KCNH7: variants seen among roughly 807,000 people sequenced by gnomAD.
KCNH7 encodes potassium voltage-gated channel subfamily H member 7.
KCNH7 carries 49 observed loss-of-function variants against 120.8 expected under a neutral mutation model. The ratio of observed to expected loss-of-function variants is 0.41; its 90% CI spans 0.32 to 0.51. The LOEUF is 0.51. KCNH7 is among the 20% of genes least tolerant of loss of function. The pLI is 0.38. For synonymous variants in KCNH7, 547 were observed against 516.1 expected (o/e 1.06, Z -0.81); for missense variants, 1,097 against 1,446.6 (o/e 0.76, Z 3.92).
intron 2 of KCNH7, among the ~76,000 whole-genome samples, chr2:162,721,890 G>T (rs780034221): frequency 1.6e-4 from 25 of 151,988 alleles, no homozygotes; most frequent in Non-Finnish European, 2.4e-4. Flanking sequence ...ATAACTTTAA[G>T]TCCTACAAAG....
At chr2:162,506,049 T>C (rs992465747) in intron 5 of KCNH7, among the ~76,000 whole-genome samples, 1 of 151,922 alleles carries the variant, frequency 6.6e-6, no homozygotes, top group African/African-American at 2.4e-5. Flanking sequence ...GTAATCTTAA[T>C]AAATTTTCAT....
At chr2:162,405,387 CATA>C (rs931367539) in intron 9 of KCNH7, among the ~76,000 whole-genome samples, 3 of 151,814 alleles carry the variant, frequency 2.0e-5, no homozygotes, top group African/African-American at 7.3e-5. Context: ...AACAACAAAA[CATA>C]ATAACATTAT....
intron 2 of KCNH7, among the ~76,000 whole-genome samples, chr2:162,626,707 G>A (rs1410393133): frequency 6.6e-6 from 1 of 152,034 alleles, no homozygotes; most frequent in African/African-American, 2.4e-5. Context: ...TATTCATTAT[G>A]GGAGAATTAT....
chr2:162,434,189 T>A (rs1279080879), intron 8 of KCNH7, among the ~76,000 whole-genome samples: 1 of 152,004 alleles, frequency 6.6e-6, no homozygotes, highest in Non-Finnish European at 1.5e-5. Context: ...TACGTACGCA[T>A]GGACATAAAG....
At chr2:162,565,024 ATTTGT>A (rs1265110242) in intron 2 of KCNH7, among the ~76,000 whole-genome samples, 4 of 152,056 alleles carry the variant, frequency 2.6e-5, no homozygotes. Context: ...CTCCAAAGTA[ATTTGT>A]TTTTATGTTT....
At chr2:162,784,152 C>T (rs371618269) in intron 2 of KCNH7, among the ~76,000 whole-genome samples, 1 of 151,934 alleles carries the variant, frequency 6.6e-6, no homozygotes, top group African/African-American at 2.4e-5. Flanking sequence ...CAGTGGAAGT[C>T]TTCAGCAAAC....
At chr2:162,499,756 T>C (rs759331835) in intron 6 of KCNH7, among the ~76,000 whole-genome samples, 3 of 152,254 alleles carry the variant, frequency 2.0e-5, no homozygotes, top group Admixed American at 6.5e-5. Context: ...CTATGTGTCA[T>C]ATAATCATAC....
intron 2 of KCNH7, among the ~76,000 whole-genome samples, chr2:162,708,658 A>G (rs541835234): frequency 6.6e-6 from 1 of 152,228 alleles, no homozygotes; most frequent in South Asian, 2.1e-4. Flanking sequence ...TCATTGTTCA[A>G]TAGAGTGCCA....
chr2:162,597,022 A>C (rs1242558875), intron 2 of KCNH7, among the ~76,000 whole-genome samples: 1 of 152,150 alleles, frequency 6.6e-6, no homozygotes, highest in Non-Finnish European at 1.5e-5. Flanking sequence ...ACTTTTTGAA[A>C]TGGTTATTTA....
intron 9 of KCNH7, among the ~76,000 whole-genome samples, chr2:162,410,040 A>G (rs757450425): frequency 1.6e-4 from 24 of 152,088 alleles, no homozygotes; most frequent in Non-Finnish European, 2.9e-4. Context: ...CATTCCTGTC[A>G]ATGTACCAAA....
At chr2:162,607,264 C>T (rs980640686) in intron 2 of KCNH7, among the ~76,000 whole-genome samples, 6 of 150,932 alleles carry the variant, frequency 4.0e-5, no homozygotes, top group African/African-American at 9.7e-5. Flanking sequence ...GTGCTGCGCA[C>T]CTGTAGTCTT....
chr2:162,603,073 G>A (rs1423486249), intron 2 of KCNH7, among the ~76,000 whole-genome samples: 2 of 151,870 alleles, frequency 1.3e-5, no homozygotes, highest in Non-Finnish European at 2.9e-5. Context: ...GAACCAAACA[G>A]GTGAAGATTA....
chr2:162,813,006 A>ATCC (rs1480117579), intron 2 of KCNH7, among the ~76,000 whole-genome samples: 1 of 152,044 alleles, frequency 6.6e-6, no homozygotes, highest in Non-Finnish European at 1.5e-5. Flanking sequence ...GTTGTTAAGA[A>ATCC]TTTTTACATG....
rs1379969059 is a variant in KCNH7 at position 162,570,033 on chromosome 2, A to T, written c.308-32953T>A. On this transcript the variant is annotated intron_variant, in intron 2 of 15. Coordinates refer to ENST00000332142, the MANE Select transcript of KCNH7 (RefSeq NM_033272.4). ...TGATTTGGGGTGGAGAGTTCTGTAG[A>T]TGTCTATTAGGTCTGCTTGGTGCAG... is the stretch of plus-strand genomic sequence containing the variant. Among the ~76,000 whole-genome samples the T allele has an allele frequency of 7.9e-5, 11 of 140,024 alleles. 1 individual carries two copies. In the South Asian group the frequency reaches 2.5e-3, roughly 31 times the overall value. 91.9% of individuals were successfully genotyped at this position (140,024 alleles called of 152,430 possible). A position where few individuals can be genotyped will look rare whatever the true frequency, so the allele number is the denominator to read the frequency against.
chr2:162,699,632 C>A (rs1185512723), intron 2 of KCNH7, among the ~76,000 whole-genome samples: 1 of 152,078 alleles, frequency 6.6e-6, no homozygotes, highest in Non-Finnish European at 1.5e-5. Context: ...AAATTTGTTA[C>A]CTTTGTGATA....
At chr2:162,715,752 G>A (rs1687097131) in intron 2 of KCNH7, among the ~76,000 whole-genome samples, 1 of 152,132 alleles carries the variant, frequency 6.6e-6, no homozygotes, top group Admixed American at 6.6e-5. Flanking sequence ...GTACATATAT[G>A]TCTCTGTCTG....
At chr2:162,709,331 G>A (rs1422309402) in intron 2 of KCNH7, among the ~76,000 whole-genome samples, 2 of 152,028 alleles carry the variant, frequency 1.3e-5, no homozygotes, top group Admixed American at 1.3e-4. Flanking sequence ...ACAGTGAAGT[G>A]CTGAGAATCT....
intron 2 of KCNH7, among the ~76,000 whole-genome samples, chr2:162,638,961 C>G (rs1001390676): frequency 6.6e-6 from 1 of 152,086 alleles, no homozygotes; most frequent in Non-Finnish European, 1.5e-5. Flanking sequence ...TCATTTGAAC[C>G]TTACTCATAA....
In KCNH7 at chr2:162,765,785, C is replaced by A. The variant is rs553975127; in HGVS notation, c.307+70752G>T. Among the ~76,000 whole-genome samples the A allele has an allele frequency of 1.1e-4, 16 of 152,162 alleles. No homozygotes were observed. In the South Asian group the frequency reaches 3.1e-3, roughly 30 times the overall value. ...TTCTTTTTTCTTTTTGAAATAGGGT[C>A]TCACTCTTTTACCCGGGCTGCTGCA... On this transcript the variant is annotated intron_variant, in intron 2 of 15. Transcript: ENST00000332142.
Sources: gnomAD v4.1 joint callset for allele counts (sites outside exome capture counted in the v4.1 genomes callset) on GRCh38, gnomAD v4.1.1 for gene constraint, MANE v1.5 for transcripts, NCBI Gene and HGNC (gene_info 2026-07-23, HGNC 2026-07-21) for gene names.